C8orf34: variants seen among roughly 807,000 people sequenced by gnomAD.
The protein encoded by C8orf34 is chromosome 8 open reading frame 34.
C8orf34 carries 65 observed loss-of-function variants against 68.3 expected under a neutral mutation model. The observed-to-expected ratio is 0.95, with a 90% CI of 0.78 to 1.17. The LOEUF (loss-of-function observed/expected upper bound fraction) is 1.17. C8orf34 is among the 50% of genes most tolerant of loss of function. The pLI, the probability that C8orf34 is intolerant of heterozygous loss-of-function variation, is 0.00. For synonymous variants in C8orf34, 244 were observed against 241.2 expected, an observed-to-expected ratio of 1.01 and a Z score of -0.11; for missense variants, 664 against 655.4, an observed-to-expected ratio of 1.01 and a Z score of -0.14.
intron 7 of C8orf34, among the ~76,000 whole-genome samples, chr8:68,581,418 G>C (rs2130349090): frequency 6.6e-6 from 1 of 152,132 alleles, no homozygotes; most frequent in Admixed American, 6.6e-5. Flanking sequence ...TGTTGTTTAG[G>C]TTTTATGGCC....
chr8:68,597,592 G>A (rs1817582844), intron 7 of C8orf34, among the ~76,000 whole-genome samples: 1 of 151,902 alleles, frequency 6.6e-6, no homozygotes, highest in Non-Finnish European at 1.5e-5. Flanking sequence ...GTGTGTGTGT[G>A]TGTGTGTGTG....
At chr8:68,684,088 A>G (rs1820445048) in intron 8 of C8orf34, among the ~76,000 whole-genome samples, 1 of 152,150 alleles carries the variant, frequency 6.6e-6, no homozygotes, top group African/African-American at 2.4e-5. Flanking sequence ...TACTTCCTCT[A>G]TCTTGTTTGT....
At chr8:68,563,418 A>G (rs1277727971) in intron 7 of C8orf34, among the ~76,000 whole-genome samples, 1 of 152,184 alleles carries the variant, frequency 6.6e-6, no homozygotes, top group Non-Finnish European at 1.5e-5. Context: ...ACAGAAAGCT[A>G]TGTGCATTGG....
intron 1 of C8orf34, among the ~76,000 whole-genome samples, chr8:68,343,365 A>G (rs56353094): frequency 0.079 from 12,065 of 152,230 alleles, 664 homozygotes; most frequent in South Asian, 0.23. Flanking sequence ...AGGTGAGAAT[A>G]TAAAATGGTC....
At chr8:68,597,686 G>A (rs1817586995) in intron 7 of C8orf34, among the ~76,000 whole-genome samples, 1 of 151,832 alleles carries the variant, frequency 6.6e-6, no homozygotes, top group Admixed American at 6.6e-5. Context: ...ATCTTTACTA[G>A]AAAATTGATA....
At chr8:68,627,123 A>C (rs1392326708) in intron 7 of C8orf34, among the ~76,000 whole-genome samples, 1 of 152,142 alleles carries the variant, frequency 6.6e-6, no homozygotes, top group East Asian at 1.9e-4. Flanking sequence ...AATTTACATA[A>C]TCCTAGTCTT....
intron 1 of C8orf34, among the ~76,000 whole-genome samples, chr8:68,427,588 C>A (rs1202641979): frequency 6.6e-6 from 1 of 151,876 alleles, no homozygotes. Flanking sequence ...GCATGAGAGT[C>A]TTTGGATGAT....
At chr8:68,436,033 C>A (rs555991377) in intron 1 of C8orf34, among the ~76,000 whole-genome samples, 23 of 152,052 alleles carry the variant, frequency 1.5e-4, no homozygotes, top group Non-Finnish European at 3.2e-4. Context: ...CATGGAAAAC[C>A]CTATCTCTAC....
intron 7 of C8orf34, among the ~76,000 whole-genome samples, chr8:68,547,271 T>C (rs1775064292): frequency 6.6e-6 from 1 of 151,710 alleles, no homozygotes; most frequent in Non-Finnish European, 1.5e-5. Context: ...GCCAGCAAAT[T>C]TGCCAACTTA....
chr8:68,494,475 CATAA>C (rs1044642513), intron 5 of C8orf34, among the ~76,000 whole-genome samples: 110 of 152,138 alleles, frequency 7.2e-4, no homozygotes, highest in African/African-American at 2.6e-3. Flanking sequence ...TGCACAACAA[CATAA>C]ATAAACTTAA....
intron 10 of C8orf34, among the ~76,000 whole-genome samples, chr8:68,760,214 G>A (rs989346039): frequency 1.3e-5 from 2 of 152,240 alleles, no homozygotes; most frequent in Admixed American, 6.5e-5. Context: ...TAGGTGATGG[G>A]GGGCCGTGAT....
At chr8:68,775,202 G>A (rs1272885078) in intron 10 of C8orf34, among the ~76,000 whole-genome samples, 1 of 152,010 alleles carries the variant, frequency 6.6e-6, no homozygotes, top group Non-Finnish European at 1.5e-5. Context: ...TTGGCGTGAG[G>A]TTGTCTTGCC....
chr8:68,759,543 T>A (rs1822967424), intron 10 of C8orf34, among the ~76,000 whole-genome samples: 1 of 152,238 alleles, frequency 6.6e-6, no homozygotes, highest in Non-Finnish European at 1.5e-5. Context: ...AAAAGATTTC[T>A]TAGCTGTGAA....
chr8:68,674,482 T>C (rs1288264961), intron 8 of C8orf34, among the ~76,000 whole-genome samples: 1 of 152,124 alleles, frequency 6.6e-6, no homozygotes, highest in Non-Finnish European at 1.5e-5. Flanking sequence ...GCAAAAATTC[T>C]GGAGTTGAAA....
chr8:68,388,527 C>T (rs1333384596), intron 1 of C8orf34, among the ~76,000 whole-genome samples: 1 of 152,082 alleles, frequency 6.6e-6, no homozygotes, highest in African/African-American at 2.4e-5. Context: ...GGACTTTTAT[C>T]TCCCCTTCTC....
At chr8:68,527,526 C>T (rs577870491) in intron 6 of C8orf34, among the ~76,000 whole-genome samples, 537 of 152,178 alleles carry the variant, frequency 3.5e-3, no homozygotes, top group Non-Finnish European at 6.1e-3. Flanking sequence ...GAGCTGAGAT[C>T]GTGCCACTGC....
rs181507797 is a variant in C8orf34 at position 68,725,151 on chromosome 8, G to A, written c.1404+3714G>A. Among the ~76,000 whole-genome samples the A allele has an allele frequency of 3.3e-3, 503 of 152,272 alleles. 3 individuals are homozygous for A. Among genetic ancestry groups the A allele is most frequent in the African/African-American group, 0.011 (475 of 41,552 alleles). ...TAAAATGCTGGGATTACAGGAATGA[G>A]CTTCCTTTATCTTAAAAAAATCTAT... On this transcript the variant is annotated intron_variant, in intron 10 of 13. Transcript: ENST00000518698.
rs1262025072 is a variant in C8orf34, at chr8:68,815,779, A to G, written c.1550-107A>G. 3 of 1,580,438 alleles carry G rather than the reference A, an allele frequency of 1.9e-6. No homozygotes were observed. The African/African-American group carries it at 4.1e-5, about 21-fold the overall frequency. On this transcript the variant is annotated intron_variant, in intron 12 of 13. Transcript: ENST00000518698. ...ATACTATAAATGTAGTTTTAATATT[A>G]ATTTCAATTAATCTTCACTAGAAAT...
chr8:68,790,306 C>T (rs889564296), intron 12 of C8orf34, among the ~76,000 whole-genome samples: 1 of 152,202 alleles, frequency 6.6e-6, no homozygotes, highest in Non-Finnish European at 1.5e-5. Flanking sequence ...TTAGAATTTA[C>T]AGGCTCATAT....
Sources: gnomAD v4.1 joint callset for allele counts (sites outside exome capture counted in the v4.1 genomes callset) on GRCh38, gnomAD v4.1.1 for gene constraint, MANE v1.5 for transcripts, NCBI Gene and HGNC (gene_info 2026-07-23, HGNC 2026-07-21) for gene names.